Variants in KRT28 observed in about 807,000 individuals in gnomAD.
The protein encoded by KRT28 is keratin, type I cytoskeletal 28.
In KRT28, 45 loss-of-function variants were observed where a neutral mutation model predicts 48.1. The observed-to-expected ratio is 0.94, with a 90% confidence interval of 0.74 to 1.20. The LOEUF (loss-of-function observed/expected upper bound fraction) is 1.20, where lower values mean the gene tolerates loss of function less well. Ranked by LOEUF, KRT28 falls within the 50% of genes most tolerant of loss-of-function variation. KRT28 has a pLI of 0.00. For missense variants in KRT28, 571 were observed against 574.1 expected (o/e 0.99, Z 0.06); for synonymous variants, 228 against 227.4 (o/e 1.00, Z -0.03).
At chr17:40,799,315 G>C in intron 1 of KRT28, 129 bp downstream of exon 1, 1 of 791,644 alleles carries the variant, frequency 1.3e-6, no homozygotes, top group Non-Finnish European at 1.9e-6. Context: ...TGAATAGTAG[G>C]AAGAATTGTT....
chr17:40,795,588 TG>T (rs2143071705), intron 5 of KRT28, among the ~76,000 whole-genome samples: 1 of 152,364 alleles, frequency 6.6e-6, no homozygotes, highest in East Asian at 1.9e-4. Flanking sequence ...GCCTCAGGGA[TG>T]TAAGTTAGGT....
chr17:40,792,480 C>T lies in KRT28; in HGVS notation c.1342G>A (p.Glu448Lys). The change falls in exon 8 of 8, where the codon GAA becomes AAA. Residue 448 changes from glutamate (E) to lysine (K), a missense_variant. Transcript: ENST00000306658. ...CCGTTGGTCATTTTAGATGTCTTTT[C>T]TTCAATGGAGTGAATCCTTGATGAA... ...VLSSRIHSIE[E>K]KTSKMTNGKT... is the part of the protein sequence containing the mutation. The T allele has an allele frequency of 6.2e-7, 1 of 1,613,472 alleles. No individual in the cohort carries two copies. The highest frequency in any genetic ancestry group is 2.2e-5 in the East Asian group (1 of 44,774).
chr17:40,798,111 T>C, intron 3 of KRT28, 124 bp downstream of exon 3: 1 of 874,968 alleles, frequency 1.1e-6, no homozygotes, highest in Non-Finnish European at 1.8e-6. Context: ...GACTAATCTG[T>C]CTGTATCCGT....
rs556322420 is a variant in KRT28, at chr17:40,798,495, G to T, written c.534-104C>A. On this transcript the variant is annotated intron_variant, in intron 2 of 7. Transcript: ENST00000306658. ...AACTGAAAATTAGAAATTGAATTAG[G>T]ACTGTAAATAGTATAAAAATATATG... 444 of 1,236,654 alleles carry T rather than the reference G, an allele frequency of 3.6e-4. 6 individuals are homozygous for T. The East Asian group carries it at 0.01, about 28-fold the overall frequency. The allele number at this position is 1,236,654 out of a possible 1,614,324, so 76.6% of individuals were successfully genotyped here. A position where few individuals can be genotyped will look rare whatever the true frequency, so the allele number is the denominator to read the frequency against.
intron 5 of KRT28, 39 bp from the exon 6 acceptor site, chr17:40,794,085 A>T: frequency 6.2e-7 from 1 of 1,606,004 alleles, no homozygotes; most frequent in South Asian, 1.1e-5. Context: ...GGATGAAAAC[A>T]CTCTGAGGAC....
intron 5 of KRT28, among the ~76,000 whole-genome samples, chr17:40,795,950 T>C (rs1904603451): frequency 6.6e-6 from 1 of 152,040 alleles, no homozygotes; most frequent in Non-Finnish European, 1.5e-5. Context: ...GCAGCAGTGA[T>C]GAGGGAGAGG....
rs1904663455 is a variant in KRT28 at position 40,798,286 on chromosome 17, T to C, written c.639A>G (p.Gln213=). 1 of 1,613,482 alleles carries C rather than the reference T, an allele frequency of 6.2e-7. No individual in the cohort carries two copies. The highest frequency in any genetic ancestry group is 8.5e-7 in the Non-Finnish European group (1 of 1,179,442). Residue 213 remains glutamine (Q), a synonymous_variant, in exon 3 of 8, where the codon CAA becomes CAG. Transcript: ENST00000306658. ...TCATCTCCTCACTCAGAGACTCATA[T>C]TGCAGCTCCTGGTCGGTCCTGCAGA... The part of the protein sequence containing the change: ...LTLCRTDQEL[Q]YESLSEEMTY...
Position 40,798,846 on chromosome 17 carries a change from T to C in KRT28, c.533+71A>G, listed in dbSNP as rs1312429645. 8.0e-6 allele frequency: 8 copies of C among 994,934 alleles called. No individual in the cohort carries two copies. In the Admixed American group the frequency reaches 1.2e-4, roughly 15 times the overall value. The allele number at this position is 994,934 out of a possible 1,614,324, so 61.6% of individuals were successfully genotyped here. Reference sequence around the variant, plus strand: ...ATAGTTCATTCTACTTGGGATGAAATAGAAATTTTATTTAACAAATTAAAT... The same window carrying C: ...ATAGTTCATTCTACTTGGGATGAAACAGAAATTTTATTTAACAAATTAAAT... On this transcript the variant is annotated intron_variant, in intron 2 of 7. Transcript: ENST00000306658.
chr17:40,797,314 A>T (rs1472301335), intron 3 of KRT28, 33 bp from the exon 4 acceptor site: 1 of 1,596,888 alleles, frequency 6.3e-7, no homozygotes, highest in Non-Finnish European at 8.5e-7. Context: ...CTTTAGGGGC[A>T]TTGCAGGTTC....
At chr17:40,799,107 T>C in intron 1 of KRT28, 108 bp from the exon 2 acceptor site, 2 of 685,546 alleles carry the variant, frequency 2.9e-6, no homozygotes, top group Non-Finnish European at 4.9e-6. Context: ...AAATTTCACC[T>C]CCTTATGTAA....
chr17:40,794,578 C>T (rs1367697367), intron 5 of KRT28, among the ~76,000 whole-genome samples: 1 of 151,998 alleles, frequency 6.6e-6, no homozygotes, highest in Admixed American at 6.5e-5. Flanking sequence ...TGAATGAGTG[C>T]CTTAACAGAT....
In KRT28 at chr17:40,797,227, C is replaced by T. The variant is rs763040721; in HGVS notation, c.745G>A (p.Ala249Thr). Reference protein sequence around the residue: ...AGGNVNVEMNAAPGVDLAVLL... With the variant: ...AGGNVNVEMNTAPGVDLAVLL... ...ACCGCGAGGTCTACCCCCGGGGCCG[C>T]GTTCATCTCCACGTTCACGTTGCCC... The change falls in exon 4 of 8, where the codon GCG becomes ACG. Residue 249 changes from alanine to threonine, a missense_variant. By Grantham distance (58) the Ala-to-Thr change is moderately conservative. Coordinates refer to ENST00000306658, the MANE Select transcript of KRT28 (RefSeq NM_181535.3). 2.5e-6 allele frequency: 4 copies of T among 1,614,150 alleles called. No individual in the cohort carries two copies. The highest frequency in any genetic ancestry group is 2.7e-5 in the African/African-American group (2 of 75,024).
intron 5 of KRT28, among the ~76,000 whole-genome samples, chr17:40,794,497 CT>C (rs899436766): frequency 1.3e-4 from 20 of 151,540 alleles, no homozygotes; most frequent in African/African-American, 4.4e-4. Flanking sequence ...TGTGCTACTG[CT>C]TTTTTTTTCT....
intron 1 of KRT28, 65 bp downstream of exon 1, chr17:40,799,379 T>A (rs1052148148): frequency 8.3e-7 from 1 of 1,203,430 alleles, no homozygotes; most frequent in Admixed American, 2.2e-5. Flanking sequence ...TCTTATTGTA[T>A]GTCTTTTGTT....
At chr17:40,794,260 T>C (rs1313216253) in intron 5 of KRT28, among the ~76,000 whole-genome samples, 2 of 152,204 alleles carry the variant, frequency 1.3e-5, no homozygotes, top group Non-Finnish European at 2.9e-5. Flanking sequence ...AATGGCCCTT[T>C]TCCCACAAGA....
chr17:40,799,536 C>T lies in KRT28; in HGVS notation c.358G>A (p.Gly120Ser). The T allele has an allele frequency of 6.2e-7, 1 of 1,614,124 alleles. No individual in the cohort carries two copies. The highest frequency in any genetic ancestry group is 8.5e-7 in the Non-Finnish European group (1 of 1,180,030). Reference protein sequence around the residue: ...ANAELERKIKGWYEKYGPGSC... With the variant: ...ANAELERKIKSWYEKYGPGSC... Reference sequence around the variant, plus strand: ...CCAGGTCCGTATTTTTCATACCAACCCTTGATTTTTCTCTCTAATTCAGCA... The same window carrying T: ...CCAGGTCCGTATTTTTCATACCAACTCTTGATTTTTCTCTCTAATTCAGCA... The change falls in exon 1 of 8, where the codon GGT becomes AGT. Residue 120 changes from glycine (G) to serine (S), a missense_variant. Gly to Ser is a moderately conservative substitution (Grantham distance 56). Coordinates refer to ENST00000306658, the MANE Select transcript of KRT28 (RefSeq NM_181535.3).
intron 5 of KRT28, 82 bp from the exon 6 acceptor site, chr17:40,794,128 A>G: frequency 6.6e-7 from 1 of 1,517,756 alleles, no homozygotes; most frequent in Non-Finnish European, 9.1e-7. Context: ...AATCAGCAGG[A>G]TTGCTCCCTG....
intron 5 of KRT28, among the ~76,000 whole-genome samples, chr17:40,795,216 A>G (rs1904584271): frequency 6.6e-6 from 1 of 152,194 alleles, no homozygotes; most frequent in Admixed American, 6.5e-5. Flanking sequence ...GCTCTCCAGG[A>G]GCAGGTAAGT....
At chr17:40,792,697 C>T in intron 7 of KRT28, 128 bp from the exon 8 acceptor site, 1 of 696,028 alleles carries the variant, frequency 1.4e-6, no homozygotes, top group Admixed American at 3.2e-5. Flanking sequence ...ATAATAATAG[C>T]TTGGGATAGT....
Sources: gnomAD v4.1 joint callset for allele counts (sites outside exome capture counted in the v4.1 genomes callset) on GRCh38, gnomAD v4.1.1 for gene constraint, MANE v1.5 for transcripts, NCBI Gene and HGNC (gene_info 2026-07-23, HGNC 2026-07-21) for gene names.